The following UNC13C variants were observed in gnomAD, a reference collection of about 807,000 sequenced individuals.
UNC13C encodes the protein unc-13 homolog C, also known as protein unc-13 homolog C.
A neutral mutation model predicts 245.4 loss-of-function variants in UNC13C; 174 were observed. The ratio of observed to expected loss-of-function variants is 0.71; its 90% CI spans 0.63 to 0.80. The LOEUF (loss-of-function observed/expected upper bound fraction) is 0.80, where lower values mean the gene tolerates loss of function less well. Ranked by LOEUF, UNC13C falls within the 30% of genes least tolerant of loss-of-function variation. The pLI is 0.00. For synonymous variants in UNC13C, 992 were observed against 895.1 expected (o/e 1.11, Z -1.93); for missense variants, 2,829 against 2,602.9 (o/e 1.09, Z -1.89).
chr15:53,851,489 C>T, the UNC13C span, among the ~76,000 whole-genome samples: 10 of 152,278 alleles, frequency 6.6e-5, no homozygotes, highest in East Asian at 5.8e-4. Flanking sequence ...TCATAACTCT[C>T]ATAGCCCCTG....
intron 2 of UNC13C, among the ~76,000 whole-genome samples, chr15:54,020,563 G>A (rs898600063): frequency 2.6e-5 from 4 of 151,086 alleles, no homozygotes; most frequent in East Asian, 1.9e-4. Context: ...GATTACAGGC[G>A]TGAACCACCA....
chr15:54,023,181 A>T lies in UNC13C; in HGVS notation c.2983+7295A>T, dbSNP rs76020365. Among the ~76,000 whole-genome samples, 887 of 152,306 alleles carry T rather than the reference A, an allele frequency of 5.8e-3. 42 individuals carry two copies. In the South Asian group the frequency reaches 0.13, roughly 22 times the overall value. ...CTGTTAGCCTCATCTTACAAGTGAG[A>T]TGACTGAGTCTCAGAGGAGCAAAAC... On this transcript the variant is annotated intron_variant, in intron 2 of 32. Coordinates refer to ENST00000260323, the MANE Select transcript of UNC13C (RefSeq NM_001080534.3).
chr15:54,222,444 C>T (rs1231221258), intron 4 of UNC13C, among the ~76,000 whole-genome samples: 1 of 152,066 alleles, frequency 6.6e-6, no homozygotes, highest in Non-Finnish European at 1.5e-5. Context: ...GTTTTTATGG[C>T]TGAATAGTAC....
At chr15:54,387,833 T>C (rs1363731506) in intron 17 of UNC13C, among the ~76,000 whole-genome samples, 1 of 152,206 alleles carries the variant, frequency 6.6e-6, no homozygotes, top group African/African-American at 2.4e-5. Context: ...CTTTCCTTTT[T>C]GTTTCTTTAT....
chr15:54,109,346 CCT>C (rs1491271772), intron 2 of UNC13C, among the ~76,000 whole-genome samples: 2 of 6,132 alleles, frequency 3.3e-4, no homozygotes, highest in Non-Finnish European at 8.6e-4. Context: ...TTCTTTCTTT[CCT>C]TTTTTTTTTT....
At chr15:54,214,763 G>A (rs954048323) in intron 4 of UNC13C, among the ~76,000 whole-genome samples, 1 of 151,902 alleles carries the variant, frequency 6.6e-6, no homozygotes, top group African/African-American at 2.4e-5. Context: ...TAAAAACTAT[G>A]TGTAAATGGC....
At chr15:54,422,497 C>T (rs1306203987) in intron 19 of UNC13C, among the ~76,000 whole-genome samples, 1 of 151,984 alleles carries the variant, frequency 6.6e-6, no homozygotes, top group Non-Finnish European at 1.5e-5. Flanking sequence ...TTTACTATGG[C>T]GTATAATGTA....
chr15:54,273,643 A>G lies in UNC13C; in HGVS notation c.3818+8147A>G, dbSNP rs151152772. ...ATGTTTCATGTGTGGAATGGAGACC[A>G]GGGAAGTCTTAATGGGGCATGCTAG... On this transcript the variant is annotated intron_variant, in intron 10 of 32. Transcript: ENST00000260323. Among the ~76,000 whole-genome samples the G allele has an allele frequency of 8.2e-3, 1,248 of 152,310 alleles. 24 individuals carry two copies. Among genetic ancestry groups the G allele is most frequent in the Non-Finnish European group, 0.01 (694 of 68,018 alleles).
intron 17 of UNC13C, among the ~76,000 whole-genome samples, chr15:54,354,977 G>T (rs1511797): frequency 0.47 from 71,448 of 151,738 alleles, 17,189 homozygotes; most frequent in East Asian, 0.74. Context: ...GTGTTAGTGG[G>T]CGATCATAGG....
chr15:54,073,021 T>C (rs1898406762), intron 2 of UNC13C, among the ~76,000 whole-genome samples: 1 of 152,126 alleles, frequency 6.6e-6, no homozygotes, highest in Non-Finnish European at 1.5e-5. Context: ...CCTAACACTA[T>C]CCCTCCCCTA....
At chr15:54,343,366 C>T (rs1198463246) in intron 17 of UNC13C, among the ~76,000 whole-genome samples, 1 of 152,090 alleles carries the variant, frequency 6.6e-6, no homozygotes, top group Non-Finnish European at 1.5e-5. Flanking sequence ...CTCCTGACCT[C>T]AGGGGATCCA....
intron 29 of UNC13C, among the ~76,000 whole-genome samples, chr15:54,556,333 T>C (rs1421586452): frequency 6.6e-6 from 1 of 152,080 alleles, no homozygotes; most frequent in East Asian, 1.9e-4. Context: ...ACAGTTCTAC[T>C]GGATAGAAAC....
In UNC13C at chr15:54,334,741, A is replaced by G. The variant is rs1223244410; in HGVS notation, c.4584+885A>G. Among the ~76,000 whole-genome samples, 5 of 152,292 alleles carry G rather than the reference A, an allele frequency of 3.3e-5. No homozygotes were observed. In the East Asian group the frequency reaches 9.7e-4, roughly 29 times the overall value. ...TTTACATCAATTCTAATCTACTGTC[A>G]GTAGCTACTGGAACAATGTGCAGCT... On this transcript the variant is annotated intron_variant, in intron 16 of 32. Coordinates refer to ENST00000260323, the MANE Select transcript of UNC13C (RefSeq NM_001080534.3).
the UNC13C span, among the ~76,000 whole-genome samples, chr15:53,916,023 T>C: frequency 6.6e-6 from 1 of 152,356 alleles, no homozygotes; most frequent in East Asian, 1.9e-4. Context: ...GTTTCTGTTA[T>C]AGTGTTAAAT....
chr15:54,050,847 G>T, intron 2 of UNC13C: 1 of 574,428 alleles, frequency 1.7e-6, no homozygotes, highest in South Asian at 1.4e-5. Context: ...TGATGCTTTG[G>T]TTCTCTTAAA....
At chr15:54,068,850 G>T (rs1898189931) in intron 2 of UNC13C, among the ~76,000 whole-genome samples, 2 of 152,092 alleles carry the variant, frequency 1.3e-5, no homozygotes, top group African/African-American at 4.8e-5. Flanking sequence ...GCAAACTACA[G>T]GATTAGTGAG....
chr15:54,048,449 T>A, intron 2 of UNC13C: 1 of 605,396 alleles, frequency 1.7e-6, no homozygotes, highest in African/African-American at 1.9e-5. Flanking sequence ...TGATCTGGAT[T>A]GCTTGATAAT....
At chr15:54,532,229 T>C (rs1895781722) in intron 25 of UNC13C, among the ~76,000 whole-genome samples, 1 of 152,122 alleles carries the variant, frequency 6.6e-6, no homozygotes, top group Non-Finnish European at 1.5e-5. Context: ...CACGTGTCCA[T>C]GCGTTCTCAT....
intron 19 of UNC13C, among the ~76,000 whole-genome samples, chr15:54,448,802 T>G (rs530083885): frequency 6.6e-6 from 1 of 152,210 alleles, no homozygotes; most frequent in Non-Finnish European, 1.5e-5. Context: ...TATGTGTGAA[T>G]TTGATCCTGT....
Sources: gnomAD v4.1 joint callset for allele counts (sites outside exome capture counted in the v4.1 genomes callset) on GRCh38, gnomAD v4.1.1 for gene constraint, MANE v1.5 for transcripts, NCBI Gene and HGNC (gene_info 2026-07-23, HGNC 2026-07-21) for gene names.